The following NF1 variants were observed in gnomAD, a reference collection of about 807,000 sequenced individuals.
NF1 encodes neurofibromin 1.
NF1 carries 122 observed loss-of-function variants against 325.7 expected under a neutral mutation model. That is an observed-to-expected ratio of 0.37 (90% CI 0.32 to 0.44). The LOEUF is 0.44. Ranked by LOEUF, NF1 falls within the 20% of genes least tolerant of loss-of-function variation. The pLI is 1.00. For missense variants in NF1, 2,140 were observed against 3,415.4 expected, an observed-to-expected ratio of 0.63 and a Z score of 9.31; for synonymous variants, 1,091 against 1,186.0, an observed-to-expected ratio of 0.92 and a Z score of 1.65.
chr17:31,370,829 C>T (rs1167183220), intron 57 of NF1, among the ~76,000 whole-genome samples: 1 of 152,144 alleles, frequency 6.6e-6, no homozygotes, highest in Non-Finnish European at 1.5e-5. Context: ...CTCCTGCATG[C>T]GGGCCAGCTC....
chr17:31,126,069 T>C (rs1055152504), intron 1 of NF1, among the ~76,000 whole-genome samples: 4 of 152,156 alleles, frequency 2.6e-5, no homozygotes, highest in Non-Finnish European at 4.4e-5. Flanking sequence ...GCACCTGTAG[T>C]GCTAGCTACT....
At chr17:31,290,054 C>T (rs1358941661) in intron 36 of NF1, among the ~76,000 whole-genome samples, 1 of 151,952 alleles carries the variant, frequency 6.6e-6, no homozygotes, top group African/African-American at 2.4e-5. Context: ...GTCCTTTGCC[C>T]ATTTATTCAT....
rs2151581311 is a variant in NF1, at chr17:31,356,553, G to C, written c.7709G>C (p.Arg2570Thr). 6.2e-7 allele frequency: 1 copy of C among 1,613,770 alleles called. No individual in the cohort carries two copies. The highest frequency in any genetic ancestry group is 8.5e-7 in the Non-Finnish European group (1 of 1,179,764). The part of the protein sequence containing the change: ...ESGITTPPKM[R>T]RVAETDYEME... The stretch of plus-strand genomic sequence containing the variant: ...GGGATCACAACACCCCCCAAAATGA[G>C]GAGAGTAGCAGAAACTGATTATGAA... The change falls in exon 52 of 58, where the codon AGG becomes ACG. Residue 2570 changes from arginine (R) to threonine (T), a missense_variant. Arg to Thr is a moderately conservative substitution (Grantham distance 71). This residue lies in a region of NF1 where 522 missense variants were observed against 749.0 expected (regional missense o/e 0.70). Coordinates refer to ENST00000358273, the MANE Select transcript of NF1 (RefSeq NM_001042492.3).
intron 36 of NF1, chr17:31,271,896 T>C: frequency 6.6e-6 from 1 of 151,892 alleles, no homozygotes; most frequent in Middle Eastern, 3.3e-3. Flanking sequence ...GTGCTCTCTC[T>C]CACATACACC....
At chr17:31,245,373 A>G (rs530257196) in intron 29 of NF1, among the ~76,000 whole-genome samples, 14 of 152,274 alleles carry the variant, frequency 9.2e-5, no homozygotes, top group African/African-American at 2.2e-4. Context: ...CCATTCTCCA[A>G]TAGATACCAA....
chr17:31,329,406 G>A (rs887793501), intron 38 of NF1, among the ~76,000 whole-genome samples: 2 of 152,136 alleles, frequency 1.3e-5, no homozygotes, highest in African/African-American at 4.8e-5. Context: ...CAGAGAAAAA[G>A]CCTTTAGGCA....
At chr17:31,341,081 A>G (rs1178321108) in intron 47 of NF1, among the ~76,000 whole-genome samples, 1 of 152,210 alleles carries the variant, frequency 6.6e-6, no homozygotes, top group Non-Finnish European at 1.5e-5. Flanking sequence ...TGAAGAAATA[A>G]TCTAAAAGTA....
intron 11 of NF1, 61 bp downstream of exon 11, chr17:31,201,546 ATTTC>A: frequency 1.6e-6 from 2 of 1,253,096 alleles, no homozygotes; most frequent in Non-Finnish European, 2.3e-6. Flanking sequence ...TTCTTTGCGT[ATTTC>A]TTTTTAAGAA....
At chr17:31,118,414 T>C (rs1286009768) in intron 1 of NF1, among the ~76,000 whole-genome samples, 1 of 152,052 alleles carries the variant, frequency 6.6e-6, no homozygotes, top group Non-Finnish European at 1.5e-5. Context: ...CTACCTTAGG[T>C]ATTTCTCCTA....
At position 31,338,153 on chromosome 17, in the gene NF1, C is replaced by T. The variant is rs1470151260; in HGVS notation, c.6819+14C>T. ...ATTCTTAGCAAGGTACCTGTTCCGC[C>T]CTCACTTCTCCCAAATATTTATGGT... On this transcript the variant is annotated intron_variant, in intron 45 of 57. Coordinates refer to ENST00000358273, the MANE Select transcript of NF1 (RefSeq NM_001042492.3). The T allele has an allele frequency of 1.3e-6, 2 of 1,508,100 alleles. No homozygotes were observed. The highest frequency in any genetic ancestry group is 1.1e-5 in the South Asian group (1 of 88,896). The allele number at this position is 1,508,100 out of a possible 1,614,324, so 93.4% of individuals were successfully genotyped here.
Position 31,374,651 on chromosome 17 carries a change from A to G in NF1, c.*496A>G. 4.0e-6 allele frequency: 1 copy of G among 252,122 alleles called. No individual in the cohort carries two copies. Among genetic ancestry groups the G allele is most frequent in the Non-Finnish European group, 7.8e-6 (1 of 128,688 alleles). 15.6% of individuals were successfully genotyped at this position (252,122 alleles called of 1,614,324 possible). On this transcript the variant is annotated 3_prime_UTR_variant, in exon 58 of 58. Transcript: ENST00000358273. ...AGTATGTTTAATCTTTTAGCTGTGG[A>G]CTTTTTTTTTAACCGTACAAAACTG...
chr17:31,279,479 T>C (rs2068076503), intron 36 of NF1, among the ~76,000 whole-genome samples: 1 of 152,098 alleles, frequency 6.6e-6, no homozygotes, highest in Non-Finnish European at 1.5e-5. Context: ...GCGTAGACAG[T>C]TGTTTTTCAA....
chr17:31,280,654 A>C (rs559731668), intron 36 of NF1, among the ~76,000 whole-genome samples: 13 of 152,062 alleles, frequency 8.5e-5, no homozygotes, highest in Admixed American at 2.6e-4. Flanking sequence ...CTATTACAAC[A>C]ATTTCCTAAT....
intron 1 of NF1, among the ~76,000 whole-genome samples, chr17:31,117,672 C>CAAAAAAAAAAAAAAAAAAAAAAAA (rs780828438): frequency 5.1e-5 from 1 of 19,800 alleles, no homozygotes; most frequent in Non-Finnish European, 1.1e-4. Flanking sequence ...AACTCCATCT[C>CAAAAAAAAAAAAAAAAAAAAAAAA]AAAAAAAAAA....
chr17:31,218,272 A>G (rs528473276), intron 13 of NF1, among the ~76,000 whole-genome samples: 1 of 152,288 alleles, frequency 6.6e-6, no homozygotes, highest in Non-Finnish European at 1.5e-5. Context: ...ATTATTCCTC[A>G]TATTGTTGAT....
chr17:31,370,855 C>A (rs1195934612), intron 57 of NF1, among the ~76,000 whole-genome samples: 1 of 152,124 alleles, frequency 6.6e-6, no homozygotes, highest in Admixed American at 6.6e-5. Flanking sequence ...TGTTTCAAAC[C>A]TTTGTCTTTT....
At position 31,258,788 on chromosome 17, in the gene NF1, G is replaced by A. The variant is rs1012711003; in HGVS notation, c.4333-244G>A. Reference sequence around the variant, plus strand: ...GAAACAGACTAGAATGTAGACTATAGGATTTTTTATTTTAAAAGTCATTAA... The same window carrying A: ...GAAACAGACTAGAATGTAGACTATAAGATTTTTTATTTTAAAAGTCATTAA... On this transcript the variant is annotated intron_variant, in intron 32 of 57. Transcript: ENST00000358273. Among the ~76,000 whole-genome samples, 12 of 151,786 alleles carry A rather than the reference G, an allele frequency of 7.9e-5. No individual in the cohort carries two copies. The South Asian group carries it at 1.0e-3, about 13-fold the overall frequency.
At chr17:31,332,779 C>T (rs543695260) in intron 39 of NF1, among the ~76,000 whole-genome samples, 1 of 52,764 alleles carries the variant, frequency 1.9e-5, no homozygotes, top group Admixed American at 2.0e-4. Flanking sequence ...CTTCCTGTGT[C>T]CATGTGATCT....
At chr17:31,367,960 A>T (rs1018388393) in intron 57 of NF1, among the ~76,000 whole-genome samples, 12 of 138,862 alleles carry the variant, frequency 8.6e-5, no homozygotes, top group South Asian at 2.2e-4. Flanking sequence ...CAAAAAAATT[A>T]AAAAAAAAAA....
Sources: gnomAD v4.1 joint callset for allele counts (sites outside exome capture counted in the v4.1 genomes callset) on GRCh38, gnomAD v4.1.1 for gene constraint, gnomAD v4.1.1 regional missense constraint, MANE v1.5 for transcripts, NCBI Gene and HGNC (gene_info 2026-07-23, HGNC 2026-07-21) for gene names.